GAREM1: variants seen among roughly 807,000 people sequenced by gnomAD.
The protein encoded by GAREM1 is GRB2-associated and regulator of MAPK protein 1.
A neutral mutation model predicts 71.3 loss-of-function variants in GAREM1; 26 were observed. The ratio of observed to expected loss-of-function variants is 0.36; its 90% CI spans 0.27 to 0.51. The LOEUF (loss-of-function observed/expected upper bound fraction) is 0.51, where lower values mean the gene tolerates loss of function less well. Among genes scored for constraint, GAREM1 ranks in the 20% least tolerant of loss-of-function variants. The pLI is 0.95. For missense variants in GAREM1, 1,026 were observed against 1,103.1 expected (o/e 0.93, Z 0.99); for synonymous variants, 440 against 433.2 (o/e 1.02, Z -0.20).
chr18:32,450,260 A>G (rs1162976199), intron 1 of GAREM1, among the ~76,000 whole-genome samples: 1 of 152,224 alleles, frequency 6.6e-6, no homozygotes, highest in Non-Finnish European at 1.5e-5. Flanking sequence ...GCTGGATTAG[A>G]AAATTGGCTG....
intron 4 of GAREM1, 69 bp from the exon 5 acceptor site, chr18:32,270,452 G>T: frequency 5.1e-6 from 7 of 1,369,656 alleles, no homozygotes; most frequent in Non-Finnish European, 7.0e-6. Flanking sequence ...GCTCAATCCT[G>T]AAGACTTGCT....
At chr18:32,468,836 G>A (rs1045506001) in intron 1 of GAREM1, among the ~76,000 whole-genome samples, 3 of 152,096 alleles carry the variant, frequency 2.0e-5, no homozygotes, top group African/African-American at 7.2e-5. Flanking sequence ...AATTTTGGAG[G>A]AGGAAATGAA....
chr18:32,380,100 C>T (rs1019023980), intron 2 of GAREM1, among the ~76,000 whole-genome samples: 1 of 151,936 alleles, frequency 6.6e-6, no homozygotes, highest in Admixed American at 6.5e-5. Flanking sequence ...CAGTTTCACA[C>T]AGTGTGTACA....
intron 2 of GAREM1, among the ~76,000 whole-genome samples, chr18:32,333,822 G>A: frequency 6.6e-6 from 1 of 152,136 alleles, no homozygotes; most frequent in East Asian, 1.9e-4. Flanking sequence ...ACCTCTAGGT[G>A]CTTATCATTG....
intron 4 of GAREM1, among the ~76,000 whole-genome samples, chr18:32,278,236 C>T (rs112111517): frequency 5.6e-4 from 85 of 152,292 alleles, no homozygotes; most frequent in African/African-American, 1.8e-3. Flanking sequence ...CTCTTACATA[C>T]AAGATGATGG....
In GAREM1 at chr18:32,268,704, G is replaced by C. The variant is rs2041413290; in HGVS notation, c.1798C>G (p.Arg600Gly). ...AGGTCCACAGAATCAGTTTTCACTC[G>C]GTTACATGGATAGCAGGAAACAGGA... ...STPVSCYPCNRVKTDSVDLKS... is the reference protein window; with the variant it reads ...STPVSCYPCNGVKTDSVDLKS... Residue 600 changes from arginine to glycine, a missense_variant, in exon 6 of 6, where the codon CGA (arginine) becomes GGA (glycine). By Grantham distance (125) the Arg-to-Gly change is moderately radical. Transcript: ENST00000269209. 2 of 1,613,936 alleles carry C rather than the reference G, an allele frequency of 1.2e-6. No individual in the cohort carries two copies. Among genetic ancestry groups the C allele is most frequent in the African/African-American group, 2.7e-5 (2 of 74,880 alleles).
intron 2 of GAREM1, 115 bp downstream of exon 2, chr18:32,392,780 T>C (rs1351965984): frequency 5.3e-6 from 6 of 1,130,508 alleles, no homozygotes; most frequent in Non-Finnish European, 7.5e-6. Flanking sequence ...ACACAAATGT[T>C]TGATTCTCTA....
At chr18:32,273,711 G>A (rs1236771392) in intron 4 of GAREM1, among the ~76,000 whole-genome samples, 2 of 152,118 alleles carry the variant, frequency 1.3e-5, no homozygotes, top group Non-Finnish European at 2.9e-5. Context: ...TAATGTGTGT[G>A]TGTGAGAGAG....
At chr18:32,374,944 CA>C (rs2144631920) in intron 2 of GAREM1, among the ~76,000 whole-genome samples, 1 of 152,252 alleles carries the variant, frequency 6.6e-6, no homozygotes, top group African/African-American at 2.4e-5. Flanking sequence ...GCCCTTTCAA[CA>C]GGCTTAGAGA....
chr18:32,312,008 G>A lies in GAREM1; in HGVS notation c.263-1685C>T, dbSNP rs116439432. Among the ~76,000 whole-genome samples the A allele has an allele frequency of 6.0e-3, 915 of 152,302 alleles. 9 individuals are homozygous for A. The highest frequency in any genetic ancestry group is 0.021 in the African/African-American group (874 of 41,562). On this transcript the variant is annotated intron_variant, in intron 2 of 5. Coordinates refer to ENST00000269209, the MANE Select transcript of GAREM1 (RefSeq NM_001242409.2). ...GGTTAAAGTGTGAGGACCCTGGCCT[G>A]AACAACTCTGAACAGAGCTGACATT...
intron 2 of GAREM1, among the ~76,000 whole-genome samples, chr18:32,324,489 T>C (rs1370144252): frequency 2.6e-5 from 4 of 152,116 alleles, no homozygotes; most frequent in Admixed American, 6.5e-5. Flanking sequence ...TTATGAGAGA[T>C]TTAGTTTTTA....
At chr18:32,465,088 G>A (rs867070145) in intron 1 of GAREM1, among the ~76,000 whole-genome samples, 8 of 152,126 alleles carry the variant, frequency 5.3e-5, no homozygotes, top group Non-Finnish European at 1.0e-4. Flanking sequence ...CTAACAGAAC[G>A]AAGGTCTCTT....
At position 32,287,648 on chromosome 18, in the gene GAREM1, T is replaced by C. The variant is rs1401978111; in HGVS notation, c.949A>G (p.Ser317Gly). 3 of 1,614,120 alleles carry C rather than the reference T, an allele frequency of 1.9e-6. No individual in the cohort carries two copies. Among genetic ancestry groups the C allele is most frequent in the Non-Finnish European group, 2.5e-6 (3 of 1,180,022 alleles). Residue 317 changes from serine (S) to glycine (G), a missense_variant, in exon 4 of 6, where the codon AGC becomes GGC. Physicochemically the swap from Ser to Gly is moderately conservative, Grantham distance 56. Coordinates refer to ENST00000269209, the MANE Select transcript of GAREM1 (RefSeq NM_001242409.2). This position sits in a 1 kb window ranked among gnomAD's most constrained non-coding sequence, Gnocchi z 5.9. ...TGATGGACCAGGGTTTCGGGCCAGCTCTCTCCCTTCACCAGGTGTTCTGGG... is the reference window on the plus strand; with the variant it reads ...TGATGGACCAGGGTTTCGGGCCAGCCCTCTCCCTTCACCAGGTGTTCTGGG... ...SLPEHLVKGE[S>G]WPETLVHHWL...
chr18:32,314,499 A>G (rs1216337038), intron 2 of GAREM1, among the ~76,000 whole-genome samples: 1 of 152,164 alleles, frequency 6.6e-6, no homozygotes, highest in Non-Finnish European at 1.5e-5. Context: ...CATCCAAAGT[A>G]TTCAGCACAA....
chr18:32,364,016 A>ATTTTTTTT (rs1470728742), intron 2 of GAREM1, among the ~76,000 whole-genome samples: 1 of 49,138 alleles, frequency 2.0e-5, no homozygotes, highest in African/African-American at 1.2e-4. Flanking sequence ...ATATATATAT[A>ATTTTTTTT]TATATATATA....
chr18:32,414,367 T>G (rs1274883010), intron 1 of GAREM1, among the ~76,000 whole-genome samples: 2 of 152,048 alleles, frequency 1.3e-5, no homozygotes, highest in Non-Finnish European at 2.9e-5. Context: ...TGGAATATCA[T>G]TAAGCATATA....
intron 2 of GAREM1, among the ~76,000 whole-genome samples, chr18:32,314,090 GT>G (rs59416892): frequency 0.017 from 2,473 of 141,798 alleles, 57 homozygotes; most frequent in African/African-American, 0.054. Flanking sequence ...GACAAAAAAA[GT>G]TTTTTTTTTT....
intron 2 of GAREM1, among the ~76,000 whole-genome samples, chr18:32,325,957 T>G (rs944973558): frequency 6.6e-6 from 1 of 152,210 alleles, no homozygotes; most frequent in South Asian, 2.1e-4. Flanking sequence ...AAGTTTAGGA[T>G]GAAGATACAC....
chr18:32,315,258 A>G (rs1436324306), intron 2 of GAREM1, among the ~76,000 whole-genome samples: 1 of 151,994 alleles, frequency 6.6e-6, no homozygotes, highest in Non-Finnish European at 1.5e-5. Flanking sequence ...ATATAGATAC[A>G]CTATAGTGCT....
Sources: allele counts gnomAD v4.1 joint callset (sites outside exome capture counted in the v4.1 genomes callset), GRCh38; gene constraint gnomAD v4.1.1; non-coding constraint Gnocchi (gnomAD v3.1); transcripts MANE v1.5; gene names NCBI Gene and HGNC (gene_info 2026-07-23, HGNC 2026-07-21).